MCTP2: variants seen among roughly 807,000 people sequenced by gnomAD.
MCTP2 encodes the protein multiple C2 and transmembrane domain-containing protein 2.
A neutral mutation model predicts 111.6 loss-of-function variants in MCTP2; 132 were observed. That is an observed-to-expected ratio of 1.18 (90% CI 1.03 to 1.37). The LOEUF (loss-of-function observed/expected upper bound fraction) is 1.37, where lower values mean the gene tolerates loss of function less well. Among genes scored for constraint, MCTP2 ranks in the 40% most tolerant of loss-of-function variants. The pLI is 0.00. For missense variants in MCTP2, 1,183 were observed against 1,067.9 expected, an observed-to-expected ratio of 1.11 and a Z score of -1.50; for synonymous variants, 395 against 387.7, an observed-to-expected ratio of 1.02 and a Z score of -0.22.
At chr15:94,239,008 GA>G (rs539868505) in intron 1 of MCTP2, among the ~76,000 whole-genome samples, 1,208 of 99,626 alleles carry the variant, frequency 0.012, 2 homozygotes, top group African/African-American at 0.032. Context: ...AGTTGACCGT[GA>G]AAAAAAAAAA....
chr15:94,295,619 T>G (rs905596323), intron 1 of MCTP2, among the ~76,000 whole-genome samples: 1 of 152,222 alleles, frequency 6.6e-6, no homozygotes, highest in African/African-American at 2.4e-5. Flanking sequence ...GAGAAGGTAC[T>G]GGCCACCTTC....
intron 20 of MCTP2, among the ~76,000 whole-genome samples, chr15:94,464,240 A>ATATATATATATATATATATAT (rs2085394658): frequency 1.6e-5 from 1 of 62,690 alleles, no homozygotes; most frequent in African/African-American, 6.5e-5. Context: ...TATATATATA[A>ATATATATATATATATATATAT]TATATATATA....
intron 19 of MCTP2, among the ~76,000 whole-genome samples, chr15:94,445,134 C>G (rs1437341351): frequency 6.6e-6 from 1 of 152,184 alleles, no homozygotes; most frequent in Non-Finnish European, 1.5e-5. Flanking sequence ...AGAGTTGGAA[C>G]AGCAGCATCC....
At chr15:94,334,698 G>A (rs887856601) in intron 4 of MCTP2, among the ~76,000 whole-genome samples, 2 of 151,898 alleles carry the variant, frequency 1.3e-5, no homozygotes, top group Non-Finnish European at 2.9e-5. Flanking sequence ...ACCACAACCA[G>A]CTAATTTTTT....
chr15:94,442,313 C>T (rs1039143434), intron 18 of MCTP2, among the ~76,000 whole-genome samples: 3 of 152,196 alleles, frequency 2.0e-5, no homozygotes, highest in Non-Finnish European at 2.9e-5. Flanking sequence ...AGGCCGTTAG[C>T]AGTACAGCTG....
intron 1 of MCTP2, among the ~76,000 whole-genome samples, chr15:94,259,695 A>G (rs1186695999): frequency 6.6e-6 from 1 of 152,198 alleles, no homozygotes; most frequent in African/African-American, 2.4e-5. Context: ...AGGTTGGTTT[A>G]ACCTCTGTGA....
chr15:94,338,089 T>C (rs756457482), intron 4 of MCTP2, among the ~76,000 whole-genome samples: 13 of 152,236 alleles, frequency 8.5e-5, no homozygotes, highest in Admixed American at 3.9e-4. Context: ...TACAGTAGCC[T>C]AATTAATTTT....
At chr15:94,348,818 G>GT (rs959543784) in intron 8 of MCTP2, among the ~76,000 whole-genome samples, 10 of 151,788 alleles carry the variant, frequency 6.6e-5, no homozygotes, top group African/African-American at 2.4e-4. Flanking sequence ...TTGTTGTACT[G>GT]TTTTTTTGTT....
intron 14 of MCTP2, among the ~76,000 whole-genome samples, chr15:94,390,088 A>ATG (rs1301818441): frequency 1.3e-3 from 14 of 10,892 alleles, no homozygotes; most frequent in Non-Finnish European, 2.2e-3. Flanking sequence ...ATATATATAT[A>ATG]TGTATATATA....
chr15:94,408,338 T>C (rs1326400542), intron 17 of MCTP2, among the ~76,000 whole-genome samples: 1 of 152,226 alleles, frequency 6.6e-6, no homozygotes, highest in Non-Finnish European at 1.5e-5. Flanking sequence ...AGTGTGTATA[T>C]ATAAGTGCAC....
At position 94,470,388 on chromosome 15, in the gene MCTP2, G is replaced by A; in HGVS notation, c.2416G>A (p.Ala806Thr). Residue 806 changes from alanine (A) to threonine (T), a missense_variant, in exon 21 of 23, where the codon GCA (alanine) becomes ACA (threonine). Transcript: ENST00000357742. ...ATCTCTGGCCTGTTTGATTCTGGCA[G>A]CAGCCACCATCATTTTGTATTTCAT... ...LSSLACLILA[A>T]ATIILYFIPL... The A allele has an allele frequency of 6.2e-7, 1 of 1,613,942 alleles. No individual in the cohort carries two copies. Among genetic ancestry groups the A allele is most frequent in the Non-Finnish European group, 8.5e-7 (1 of 1,179,838 alleles).
At chr15:94,412,893 AGTGT>A (rs2082214557) in intron 17 of MCTP2, among the ~76,000 whole-genome samples, 1 of 151,946 alleles carries the variant, frequency 6.6e-6, no homozygotes, top group African/African-American at 2.4e-5. Flanking sequence ...GAAAATGCAT[AGTGT>A]GTTTAGCTGT....
intron 1 of MCTP2, among the ~76,000 whole-genome samples, chr15:94,289,973 C>T (rs2074957356): frequency 6.6e-6 from 1 of 152,150 alleles, no homozygotes; most frequent in African/African-American, 2.4e-5. Flanking sequence ...AGAGACTTAA[C>T]TCACTGTTTC....
At chr15:94,247,226 A>G (rs771116410) in intron 1 of MCTP2, among the ~76,000 whole-genome samples, 5 of 152,140 alleles carry the variant, frequency 3.3e-5, no homozygotes, top group Non-Finnish European at 7.4e-5. Context: ...CATTTGGATC[A>G]GTTCAGAGGG....
chr15:94,474,043 A>G (rs1377930911), intron 21 of MCTP2, among the ~76,000 whole-genome samples: 1 of 152,014 alleles, frequency 6.6e-6, no homozygotes, highest in Admixed American at 6.5e-5. Flanking sequence ...ACATGATAGC[A>G]TCTTTCCCAA....
chr15:94,286,534 T>G lies in MCTP2; in HGVS notation c.-65-11667T>G, dbSNP rs1244013188. On this transcript the variant is annotated intron_variant, in intron 1 of 22. Coordinates refer to ENST00000357742, the MANE Select transcript of MCTP2 (RefSeq NM_001385001.1). ...AAGCCAGACCTTTTTGTCCCATTTA[T>G]ATTAAAAAAGAAGTTTGAGAAACAA... Among the ~76,000 whole-genome samples the G allele has an allele frequency of 3.3e-5, 5 of 152,146 alleles. No homozygotes were observed. In the South Asian group the frequency reaches 6.2e-4, roughly 19 times the overall value.
chr15:94,475,133 C>G (rs754776171), intron 21 of MCTP2, among the ~76,000 whole-genome samples: 1 of 152,116 alleles, frequency 6.6e-6, no homozygotes, highest in Middle Eastern at 3.4e-3. Context: ...GCCAAAAAGC[C>G]CATGCTACAA....
At chr15:94,311,150 G>A (rs528243859) in intron 2 of MCTP2, among the ~76,000 whole-genome samples, 9 of 151,138 alleles carry the variant, frequency 6.0e-5, no homozygotes, top group Admixed American at 2.6e-4. Flanking sequence ...TCAGCCTCCC[G>A]AGAAACTGGG....
chr15:94,384,097 A>G lies in MCTP2; in HGVS notation c.1658A>G (p.Asn553Ser). The change falls in exon 13 of 23, where the codon AAC becomes AGC. Residue 553 changes from asparagine (N) to serine (S), a missense_variant. By Grantham distance (46) the Asn-to-Ser change is conservative. Coordinates refer to ENST00000357742, the MANE Select transcript of MCTP2 (RefSeq NM_001385001.1). ...ACGCATACCGTCTACAAAAACCTCA[A>G]CCCTGAATGGAACAAAGTTTTTACA... ...LQTHTVYKNL[N>S]PEWNKVFTFP... 1 of 1,613,596 alleles carries G rather than the reference A, an allele frequency of 6.2e-7. No homozygotes were observed.
Sources: allele counts gnomAD v4.1 joint callset (sites outside exome capture counted in the v4.1 genomes callset), GRCh38; gene constraint gnomAD v4.1.1; transcripts MANE v1.5; gene names NCBI Gene and HGNC (gene_info 2026-07-23, HGNC 2026-07-21).